The following HEATR5A variants were observed in gnomAD, a reference collection of about 807,000 sequenced individuals.
HEATR5A encodes the protein HEAT repeat containing 5A.
HEATR5A carries 178 observed loss-of-function variants against 218.8 expected under a neutral mutation model. The ratio of observed to expected loss-of-function variants is 0.81; its 90% CI spans 0.72 to 0.92. The LOEUF (loss-of-function observed/expected upper bound fraction) is 0.92, where lower values mean the gene tolerates loss of function less well. Among genes scored for constraint, HEATR5A ranks in the 40% least tolerant of loss-of-function variants. The pLI is 0.00. For missense variants in HEATR5A, 2,420 were observed against 2,418.9 expected (o/e 1.00, Z -0.01); for synonymous variants, 864 against 871.6 (o/e 0.99, Z 0.15).
At chr14:31,392,758 C>T (rs2030500856) in intron 6 of HEATR5A, among the ~76,000 whole-genome samples, 1 of 152,170 alleles carries the variant, frequency 6.6e-6, no homozygotes, top group Non-Finnish European at 1.5e-5. Flanking sequence ...TGCACACTTG[C>T]TCAAATCAGT....
Position 31,347,797 on chromosome 14 carries a change from A to C in HEATR5A, c.2819T>G (p.Ile940Ser). ...ISSSQHLNSC[I>S]GILYTLAQDS... ...CTGCGCCAAAGTATAAAGGATTCCA[A>C]TACAAGAATTTAGGTGTTGAGAAGA... The change falls in exon 19 of 36, where the codon ATT (isoleucine) becomes AGT (serine). Residue 940 changes from isoleucine (I) to serine (S), a missense_variant. Transcript: ENST00000543095. The C allele has an allele frequency of 6.2e-7, 1 of 1,612,270 alleles. No homozygotes were observed. The highest frequency in any genetic ancestry group is 2.2e-5 in the East Asian group (1 of 44,826).
At chr14:31,370,412 A>G (rs1901995154) in intron 13 of HEATR5A, among the ~76,000 whole-genome samples, 1 of 152,218 alleles carries the variant, frequency 6.6e-6, no homozygotes, top group Admixed American at 6.5e-5. Context: ...CCATAATGAG[A>G]TACCATTTTT....
At chr14:31,371,773 A>T in intron 13 of HEATR5A, 37 bp downstream of exon 13, 1 of 1,004,480 alleles carries the variant, frequency 1.0e-6, no homozygotes, top group Non-Finnish European at 1.4e-6. Flanking sequence ...TTACATAATC[A>T]GAGGGCAACT....
At position 31,394,041 on chromosome 14, in the gene HEATR5A, C is replaced by A; in HGVS notation, c.772+11G>T. On this transcript the variant is annotated intron_variant, in intron 6 of 35. Coordinates refer to ENST00000543095, the MANE Select transcript of HEATR5A (RefSeq NM_015473.4). ...ACAGAAGAGACTTTGAAAATAATTA[C>A]ATGTATTTACCTGTTCCTGGATGTT... 1.4e-6 allele frequency: 2 copies of A among 1,470,104 alleles called. No homozygotes were observed. Among genetic ancestry groups the A allele is most frequent in the Non-Finnish European group, 1.8e-6 (2 of 1,101,184 alleles). The allele number at this position is 1,470,104 out of a possible 1,614,324, so 91.1% of individuals were successfully genotyped here. A position where few individuals can be genotyped will look rare whatever the true frequency, so the allele number is the denominator to read the frequency against.
chr14:31,298,936 G>A (rs940752837), intron 33 of HEATR5A, among the ~76,000 whole-genome samples: 3 of 152,216 alleles, frequency 2.0e-5, no homozygotes, highest in East Asian at 1.9e-4. Flanking sequence ...TCACCACTGT[G>A]AGCTCTATCC....
At chr14:31,392,341 A>T (rs1294585390) in intron 6 of HEATR5A, among the ~76,000 whole-genome samples, 1 of 152,064 alleles carries the variant, frequency 6.6e-6, no homozygotes, top group Non-Finnish European at 1.5e-5. Flanking sequence ...ATTGGATAAG[A>T]CCACAAGACA....
intron 22 of HEATR5A, among the ~76,000 whole-genome samples, chr14:31,327,024 G>C (rs1900290919): frequency 6.6e-6 from 1 of 151,662 alleles, no homozygotes; most frequent in Admixed American, 6.6e-5. Context: ...ACCCAAGATG[G>C]AGTGAAGTGG....
intron 24 of HEATR5A, among the ~76,000 whole-genome samples, chr14:31,322,648 C>T (rs1347205076): frequency 1.3e-5 from 2 of 151,760 alleles, no homozygotes; most frequent in Non-Finnish European, 2.9e-5. Context: ...TAAGATCTCA[C>T]TTCTACAGAA....
At chr14:31,347,461 C>T (rs1901060809) in intron 19 of HEATR5A, among the ~76,000 whole-genome samples, 1 of 152,276 alleles carries the variant, frequency 6.6e-6, no homozygotes, top group East Asian at 1.9e-4. Context: ...ATCTGCCTGC[C>T]TCGGCATCCT....
At chr14:31,329,847 G>A (rs546245672) in intron 22 of HEATR5A, among the ~76,000 whole-genome samples, 5 of 152,224 alleles carry the variant, frequency 3.3e-5, no homozygotes, top group Middle Eastern at 3.4e-3. Flanking sequence ...TGAGTAGCTG[G>A]GATTACAGGC....
In HEATR5A at chr14:31,302,314, A is replaced by G. The variant is rs752714407; in HGVS notation, c.5445T>C (p.Ile1815=). Residue 1815 remains isoleucine (I), a synonymous_variant, in exon 33 of 36, where the codon ATT becomes ATC. Transcript: ENST00000543095. ...AATTACCTGGATCCCAACAGTCAAG[A>G]ATTGTTGTTAAGGCACTTCGGAGAA... The part of the protein sequence containing the change: ...TDLLRSALTT[I]LDCWDPVDET... 6.3e-7 allele frequency: 1 copy of G among 1,597,286 alleles called. No homozygotes were observed. Among genetic ancestry groups the G allele is most frequent in the Non-Finnish European group, 8.5e-7 (1 of 1,171,388 alleles).
At chr14:31,326,662 G>T (rs1900276823) in intron 22 of HEATR5A, among the ~76,000 whole-genome samples, 1 of 151,940 alleles carries the variant, frequency 6.6e-6, no homozygotes, top group Admixed American at 6.6e-5. Flanking sequence ...CTTTATTCGA[G>T]ACAGAATTTC....
chr14:31,306,830 C>T lies in HEATR5A; in HGVS notation c.4868G>A (p.Arg1623Lys). ...AGCCAACTGAATGGAAGGTGATTCT[C>T]TGGTTAAAATTACTCGATGTAGAAC... ...LNVLHRVILT[R>K]ESPSIQLASL... Residue 1623 changes from arginine (R) to lysine (K), a missense_variant, in exon 31 of 36, where the codon AGA (arginine) becomes AAA (lysine). By Grantham distance (26) the Arg-to-Lys change is conservative. Coordinates refer to ENST00000543095, the MANE Select transcript of HEATR5A (RefSeq NM_015473.4). 1 of 1,613,660 alleles carries T rather than the reference C, an allele frequency of 6.2e-7. No individual in the cohort carries two copies. Among genetic ancestry groups the T allele is most frequent in the South Asian group, 1.1e-5 (1 of 91,034 alleles).
chr14:31,406,131 T>C (rs907625025), intron 1 of HEATR5A, among the ~76,000 whole-genome samples: 11 of 152,194 alleles, frequency 7.2e-5, no homozygotes, highest in Non-Finnish European at 1.5e-4. Context: ...GGAAGATGAA[T>C]ACAAATTCAG....
chr14:31,300,479 T>G (rs1899334437), intron 33 of HEATR5A, among the ~76,000 whole-genome samples: 1 of 152,114 alleles, frequency 6.6e-6, no homozygotes, highest in African/African-American at 2.4e-5. Context: ...CCTCTAGTGG[T>G]GGATACAGAG....
intron 23 of HEATR5A, among the ~76,000 whole-genome samples, chr14:31,324,132 C>A (rs1208929501): frequency 2.6e-5 from 4 of 152,038 alleles, no homozygotes; most frequent in African/African-American, 9.6e-5. Context: ...AATTATCAAT[C>A]CCCTGCAAGT....
chr14:31,383,803 C>A (rs781493778), intron 9 of HEATR5A, 32 bp from the exon 10 acceptor site: 18 of 1,587,114 alleles, frequency 1.1e-5, no homozygotes, highest in Non-Finnish European at 1.3e-5. Flanking sequence ...GACTTAGGTA[C>A]ATAGATAAAA....
chr14:31,356,232 C>A (rs2139226913), intron 16 of HEATR5A, among the ~76,000 whole-genome samples: 1 of 152,028 alleles, frequency 6.6e-6, no homozygotes, highest in East Asian at 1.9e-4. Flanking sequence ...CTTGCCAGGC[C>A]ACTTCTTTAT....
At chr14:31,409,949 G>C (rs1451257128) in intron 1 of HEATR5A, among the ~76,000 whole-genome samples, 1 of 152,050 alleles carries the variant, frequency 6.6e-6, no homozygotes, top group Non-Finnish European at 1.5e-5. Context: ...TAATCTTCTT[G>C]GTCATTTTAG....
Sources: allele counts gnomAD v4.1 joint callset (sites outside exome capture counted in the v4.1 genomes callset), GRCh38; gene constraint gnomAD v4.1.1; transcripts MANE v1.5; gene names NCBI Gene and HGNC (gene_info 2026-07-23, HGNC 2026-07-21).